The following SV2C variants were observed in gnomAD, a reference collection of about 807,000 sequenced individuals.
SV2C encodes the protein synaptic vesicle glycoprotein 2C, also known as solute carrier family 22 member B3.
SV2C carries 49 observed loss-of-function variants against 79.7 expected under a neutral mutation model. That is an observed-to-expected ratio of 0.61 (90% confidence interval 0.49 to 0.78). The LOEUF is 0.78. Ranked by LOEUF, SV2C falls within the 30% of genes least tolerant of loss-of-function variation. The pLI, the probability that SV2C is intolerant of heterozygous loss-of-function variation, is 0.00. For missense variants in SV2C, 833 were observed against 912.9 expected (o/e 0.91, Z 1.13); for synonymous variants, 334 against 333.2 (o/e 1.00, Z -0.03).
the SV2C span, among the ~76,000 whole-genome samples, chr5:75,855,624 T>C: frequency 4.6e-5 from 7 of 152,312 alleles, no homozygotes; most frequent in African/African-American, 1.7e-4. Context: ...TCTGATATGA[T>C]GATCTATGAT....
intron 1 of SV2C, among the ~76,000 whole-genome samples, chr5:76,104,147 T>C (rs1386664991): frequency 2.0e-5 from 3 of 152,182 alleles, no homozygotes; most frequent in Admixed American, 1.3e-4. Context: ...ATGATAGCTG[T>C]AGGTAGCACT....
At chr5:76,030,636 G>A in the SV2C span, among the ~76,000 whole-genome samples, 1 of 152,046 alleles carries the variant, frequency 6.6e-6, no homozygotes, top group African/African-American at 2.4e-5. Flanking sequence ...CCATCCATGT[G>A]GTTGGCAGCC....
the SV2C span, among the ~76,000 whole-genome samples, chr5:76,072,788 T>C: frequency 6.6e-6 from 1 of 152,222 alleles, no homozygotes; most frequent in East Asian, 1.9e-4. Flanking sequence ...ATTCTGATTA[T>C]GGCCATTCTT....
chr5:76,107,671 A>C (rs1258392085), intron 1 of SV2C, among the ~76,000 whole-genome samples: 1 of 152,086 alleles, frequency 6.6e-6, no homozygotes. Context: ...CGAGAACAAC[A>C]TGGTGAAACC....
the SV2C span, among the ~76,000 whole-genome samples, chr5:75,852,825 C>CAAA: frequency 0.16 from 13,054 of 80,788 alleles, 829 homozygotes; most frequent in East Asian, 0.23. Context: ...GACTCCGTCT[C>CAAA]AAAAAAAAAA....
chr5:76,017,389 C>T, the SV2C span, among the ~76,000 whole-genome samples: 2 of 152,124 alleles, frequency 1.3e-5, no homozygotes, highest in South Asian at 2.1e-4. Context: ...TGGGTTCAAG[C>T]GATTCTCATA....
chr5:75,972,023 A>G, the SV2C span, among the ~76,000 whole-genome samples: 2 of 152,154 alleles, frequency 1.3e-5, no homozygotes, highest in Non-Finnish European at 2.9e-5. Flanking sequence ...ATAATGCCGC[A>G]TATCTACAAC....
the SV2C span, among the ~76,000 whole-genome samples, chr5:75,899,686 A>G: frequency 5.3e-5 from 8 of 152,070 alleles, no homozygotes; most frequent in African/African-American, 1.9e-4. Flanking sequence ...TCCCATTATT[A>G]TTGAATGGGA....
the SV2C span, among the ~76,000 whole-genome samples, chr5:75,872,612 GCTTATTAGAGAAAATGTA>G: frequency 2.8e-3 from 428 of 152,228 alleles, 10 homozygotes; most frequent in East Asian, 0.035. Flanking sequence ...GGAAAAGCAT[GCTTATTAGAGAAAATGTA>G]CTTATTAGAG....
chr5:76,078,712 A>C, upstream of SV2C: 2 of 529,324 alleles, frequency 3.8e-6, no homozygotes, highest in South Asian at 3.2e-5. Flanking sequence ...CTCGGTGCCA[A>C]AGCTGATGGC....
the SV2C span, among the ~76,000 whole-genome samples, chr5:75,959,115 A>G: frequency 1.3e-5 from 2 of 151,940 alleles, no homozygotes; most frequent in African/African-American, 4.8e-5. Context: ...TGTTCTTTGC[A>G]CCGTGGTAGC....
At chr5:76,305,907 G>C (rs541020252) in intron 12 of SV2C, among the ~76,000 whole-genome samples, 1 of 152,236 alleles carries the variant, frequency 6.6e-6, no homozygotes, top group South Asian at 2.1e-4. Flanking sequence ...GAGGTGGGAG[G>C]GGACTGAACA....
chr5:75,927,999 C>T, the SV2C span, among the ~76,000 whole-genome samples: 1 of 152,168 alleles, frequency 6.6e-6, no homozygotes, highest in Non-Finnish European at 1.5e-5. Context: ...CTATTACATG[C>T]CAGACATAGT....
At chr5:75,940,018 T>C in the SV2C span, among the ~76,000 whole-genome samples, 1 of 152,180 alleles carries the variant, frequency 6.6e-6, no homozygotes, top group East Asian at 1.9e-4. Flanking sequence ...TATCATTCCA[T>C]GTTGAAATTA....
chr5:76,186,823 A>G (rs1362376637), intron 2 of SV2C, among the ~76,000 whole-genome samples: 1 of 152,174 alleles, frequency 6.6e-6, no homozygotes, highest in Non-Finnish European at 1.5e-5. Flanking sequence ...CAAAGCGGGA[A>G]GCCCCTTATA....
the SV2C span, among the ~76,000 whole-genome samples, chr5:75,871,611 C>T: frequency 6.6e-6 from 1 of 151,926 alleles, no homozygotes; most frequent in Non-Finnish European, 1.5e-5. Context: ...AGATCGAGAC[C>T]ATCCTGGCCA....
chr5:76,339,863 A>G (rs1388620659), intron 12 of SV2C, among the ~76,000 whole-genome samples: 2 of 152,172 alleles, frequency 1.3e-5, no homozygotes, highest in African/African-American at 4.8e-5. Flanking sequence ...CATCTTGAAT[A>G]GGGGCTGGGT....
downstream of SV2C, among the ~76,000 whole-genome samples, chr5:76,334,713 C>T (rs551971272): frequency 6.6e-6 from 1 of 152,296 alleles, no homozygotes; most frequent in South Asian, 2.1e-4. Flanking sequence ...TCTCGGAATC[C>T]TCCAGCAGAC....
chr5:76,236,410 G>A (rs113527905), intron 4 of SV2C, among the ~76,000 whole-genome samples: 17,828 of 151,710 alleles, frequency 0.12, 3,054 homozygotes, highest in African/African-American at 0.38. Context: ...TAAAAATACA[G>A]AATTATCCAG....
Sources: gnomAD v4.1 joint callset for allele counts (sites outside exome capture counted in the v4.1 genomes callset) on GRCh38, gnomAD v4.1.1 for gene constraint, MANE v1.5 for transcripts, NCBI Gene and HGNC (gene_info 2026-07-23, HGNC 2026-07-21) for gene names.